Variants in SSBP2 observed in about 807,000 individuals in gnomAD.
The protein encoded by SSBP2 is single-stranded DNA-binding protein 2.
SSBP2 carries 17 observed loss-of-function variants against 61.8 expected under a neutral mutation model. That is an observed-to-expected ratio of 0.28 (90% CI 0.19 to 0.41). The LOEUF is 0.41. Ranked by LOEUF, SSBP2 falls within the 10% of genes least tolerant of loss-of-function variation. The pLI is 1.00. For synonymous variants in SSBP2, 139 were observed against 141.3 expected, an observed-to-expected ratio of 0.98 and a Z score of 0.12; for missense variants, 310 against 458.7, an observed-to-expected ratio of 0.68 and a Z score of 2.96.
chr5:81,655,780 T>C (rs1192624306), intron 1 of SSBP2, among the ~76,000 whole-genome samples: 1 of 152,172 alleles, frequency 6.6e-6, no homozygotes, highest in Non-Finnish European at 1.5e-5. Flanking sequence ...TACTCACAAA[T>C]GCAGAGGGAG....
At chr5:81,642,720 G>T (rs1748899549) in intron 2 of SSBP2, among the ~76,000 whole-genome samples, 1 of 152,070 alleles carries the variant, frequency 6.6e-6, no homozygotes, top group Non-Finnish European at 1.5e-5. Context: ...CTATATCATG[G>T]CACATTTCAT....
rs1044393716 is a variant in SSBP2 at position 81,419,433 on chromosome 5, T to C, written c.*1071A>G. ...CCCTTGTGCTCAAAGTCTCCTTCTA[T>C]GTATTTATTTCTAGTGTCTATAAGA... On this transcript the variant is annotated 3_prime_UTR_variant, in exon 17 of 17. Transcript: ENST00000320672. 1 of 152,210 alleles carries C rather than the reference T, an allele frequency of 6.6e-6. No individual in the cohort carries two copies. The highest frequency in any genetic ancestry group is 1.5e-5 in the Non-Finnish European group (1 of 68,046). 9.4% of individuals were successfully genotyped at this position (152,210 alleles called of 1,614,324 possible).
At chr5:81,600,589 A>C (rs968828237) in intron 4 of SSBP2, among the ~76,000 whole-genome samples, 18 of 150,258 alleles carry the variant, frequency 1.2e-4, no homozygotes, top group African/African-American at 4.4e-4. Context: ...AACAAAAACC[A>C]GAAAGAAAAG....
intron 16 of SSBP2, among the ~76,000 whole-genome samples, chr5:81,422,430 C>T (rs1761671020): frequency 6.6e-6 from 1 of 152,084 alleles, no homozygotes; most frequent in African/African-American, 2.4e-5. Context: ...TGCACTGTTC[C>T]TGAGGAAAGG....
At chr5:81,540,076 C>T (rs1285379879) in intron 4 of SSBP2, among the ~76,000 whole-genome samples, 1 of 152,136 alleles carries the variant, frequency 6.6e-6, no homozygotes, top group Non-Finnish European at 1.5e-5. Context: ...ATGAACTCAT[C>T]CTTTTTTATG....
chr5:81,722,023 G>C (rs1188540057), intron 1 of SSBP2, among the ~76,000 whole-genome samples: 1 of 151,840 alleles, frequency 6.6e-6, no homozygotes, highest in Non-Finnish European at 1.5e-5. Context: ...CCTTCCCTTA[G>C]TTCTTAGCAC....
intron 10 of SSBP2, among the ~76,000 whole-genome samples, chr5:81,449,132 T>C (rs1341578768): frequency 6.6e-6 from 1 of 152,160 alleles, no homozygotes; most frequent in African/African-American, 2.4e-5. Flanking sequence ...TAGAAATATA[T>C]ATATTTGTGT....
intron 4 of SSBP2, among the ~76,000 whole-genome samples, chr5:81,582,791 G>A (rs1415984778): frequency 6.6e-6 from 1 of 151,996 alleles, no homozygotes; most frequent in African/African-American, 2.4e-5. Flanking sequence ...ATGGGCTTTC[G>A]TCATGTTGGC....
At chr5:81,703,804 T>C (rs929681093) in intron 1 of SSBP2, among the ~76,000 whole-genome samples, 9 of 152,246 alleles carry the variant, frequency 5.9e-5, no homozygotes, top group African/African-American at 2.2e-4. Context: ...TGTTTTTCTT[T>C]TTTTTAAATG....
At position 81,461,061 on chromosome 5, in the gene SSBP2, G is replaced by A; in HGVS notation, c.681C>T (p.Ala227=). 2 of 1,564,384 alleles carry A rather than the reference G, an allele frequency of 1.3e-6. No homozygotes were observed. The highest frequency in any genetic ancestry group is 1.7e-6 in the Non-Finnish European group (2 of 1,152,314). ...AATATATATATATACTCACTGAATTGGCATTTGTTGGGTTTGGCCAAGGTC... is the reference window on the plus strand; with the variant it reads ...AATATATATATATACTCACTGAATTAGCATTTGTTGGGTTTGGCCAAGGTC... Residue 227 remains alanine, a synonymous_variant, in exon 10 of 17, where the codon GCC becomes GCT. Coordinates refer to ENST00000320672, the MANE Select transcript of SSBP2 (RefSeq NM_012446.5).
chr5:81,531,675 T>C (rs1401224461), intron 4 of SSBP2, among the ~76,000 whole-genome samples: 1 of 152,102 alleles, frequency 6.6e-6, no homozygotes. Flanking sequence ...CCAATCATTT[T>C]AAAATGCTAG....
intron 4 of SSBP2, among the ~76,000 whole-genome samples, chr5:81,593,253 A>C (rs560651497): frequency 6.6e-6 from 1 of 152,196 alleles, no homozygotes; most frequent in Non-Finnish European, 1.5e-5. Flanking sequence ...GATGGAAGAC[A>C]AAATGAATGA....
At chr5:81,560,083 A>T (rs1171518416) in intron 4 of SSBP2, among the ~76,000 whole-genome samples, 1 of 152,220 alleles carries the variant, frequency 6.6e-6, no homozygotes. Context: ...CTTAAACTAT[A>T]TTAAATAACA....
intron 1 of SSBP2, among the ~76,000 whole-genome samples, chr5:81,739,105 C>A (rs537814104): frequency 8.6e-6 from 1 of 116,558 alleles, no homozygotes; most frequent in Non-Finnish European, 1.6e-5. Context: ...GTGGAGGTTT[C>A]GGTGAGCCGA....
chr5:81,733,554 T>C (rs1286709988), intron 1 of SSBP2, among the ~76,000 whole-genome samples: 1 of 152,202 alleles, frequency 6.6e-6, no homozygotes, highest in East Asian at 1.9e-4. Context: ...TTATAATCTA[T>C]CCAGATTGGA....
At chr5:81,445,138 T>TTATATATATATATATATATATA (rs1160080305) in intron 12 of SSBP2, among the ~76,000 whole-genome samples, 2 of 33,886 alleles carry the variant, frequency 5.9e-5, no homozygotes, top group African/African-American at 1.0e-4. Flanking sequence ...AAAAAAAATT[T>TTATATATATATATATATATATA]TATATATATA....
intron 9 of SSBP2, among the ~76,000 whole-genome samples, chr5:81,462,729 G>A (rs1430442258): frequency 6.6e-6 from 1 of 152,118 alleles, no homozygotes; most frequent in Non-Finnish European, 1.5e-5. Flanking sequence ...AAACATTTGG[G>A]TAGTAAGGTA....
In SSBP2 at chr5:81,580,667, T is replaced by G. The variant is rs184223156; in HGVS notation, c.282+34806A>C. 1.2e-3 allele frequency among the ~76,000 whole-genome samples: 186 copies of G among 151,694 alleles called. 1 individual carries two copies. The highest frequency in any genetic ancestry group is 4.4e-3 in the African/African-American group (180 of 41,338). On this transcript the variant is annotated intron_variant, in intron 4 of 16. Transcript: ENST00000320672. The stretch of plus-strand genomic sequence containing the variant: ...ATACAGTCAGGCCTAGTACATTACA[T>G]TAAGTATATATCTGTTCAATGTCAA...
chr5:81,562,145 A>G (rs577146231), intron 4 of SSBP2, among the ~76,000 whole-genome samples: 1 of 151,848 alleles, frequency 6.6e-6, no homozygotes, highest in African/African-American at 2.4e-5. Flanking sequence ...ACCTCAAGTG[A>G]TCCACTGGCT....
Sources: gnomAD v4.1 joint callset for allele counts (sites outside exome capture counted in the v4.1 genomes callset) on GRCh38, gnomAD v4.1.1 for gene constraint, MANE v1.5 for transcripts, NCBI Gene and HGNC (gene_info 2026-07-23, HGNC 2026-07-21) for gene names.